The following OPRM1 variants were observed in gnomAD, a reference collection of about 807,000 sequenced individuals.
The protein encoded by OPRM1 is mu-type opioid receptor.
A neutral mutation model predicts 31.8 loss-of-function variants in OPRM1; 27 were observed. The ratio of observed to expected loss-of-function variants is 0.85; its 90% CI spans 0.63 to 1.17. The LOEUF is 1.17. Among genes scored for constraint, OPRM1 ranks in the 50% most tolerant of loss-of-function variants. OPRM1 has a pLI of 0.00. For synonymous variants in OPRM1, 196 were observed against 189.9 expected (o/e 1.03, Z -0.26); for missense variants, 536 against 511.1 (o/e 1.05, Z -0.47).
At chr6:154,148,314 C>T (rs539748376) in intron 3 of OPRM1, among the ~76,000 whole-genome samples, 3 of 152,248 alleles carry the variant, frequency 2.0e-5, no homozygotes, top group Non-Finnish European at 4.4e-5. Context: ...GGGGTCCAAG[C>T]TAATCAAGTT....
In OPRM1 at chr6:154,127,598, G is replaced by C. The variant is rs1797666268; in HGVS notation, c.*8877G>C. The stretch of plus-strand genomic sequence containing the variant: ...ACCTGTGCTCATGACTTGACATTGT[G>C]GTGGGCCGGCTACAACCCTCCCCAC... On this transcript the variant is annotated 3_prime_UTR_variant, in exon 4 of 4. Coordinates refer to ENST00000330432, the MANE Select transcript of OPRM1 (RefSeq NM_000914.5). Among the ~76,000 whole-genome samples the C allele has an allele frequency of 6.6e-6, 1 of 152,156 alleles. No homozygotes were observed. Among genetic ancestry groups the C allele is most frequent in the Non-Finnish European group, 1.5e-5 (1 of 68,016 alleles).
At chr6:154,099,563 G>A (rs1794133625) in intron 3 of OPRM1, among the ~76,000 whole-genome samples, 1 of 149,110 alleles carries the variant, frequency 6.7e-6, no homozygotes, top group Non-Finnish European at 1.5e-5. Flanking sequence ...AGGGAGGGAG[G>A]AAGGAAACCA....
rs545519987 is a variant in OPRM1, at chr6:154,119,700, C to G, written c.*979C>G. On this transcript the variant is annotated 3_prime_UTR_variant, in exon 4 of 4. Coordinates refer to ENST00000330432, the MANE Select transcript of OPRM1 (RefSeq NM_000914.5). ...CAGATGTTTTTGTTGATTGCCAGAACAGTTTAAACTTTTTTTAAACAATAA... is the reference window on the plus strand; with the variant it reads ...CAGATGTTTTTGTTGATTGCCAGAAGAGTTTAAACTTTTTTTAAACAATAA... Among the ~76,000 whole-genome samples the G allele has an allele frequency of 6.6e-6, 1 of 152,164 alleles. No individual in the cohort carries two copies. The highest frequency in any genetic ancestry group is 2.4e-5 in the African/African-American group (1 of 41,448).
chr6:154,101,166 G>A (rs1794776247), intron 3 of OPRM1, among the ~76,000 whole-genome samples: 1 of 151,994 alleles, frequency 6.6e-6, no homozygotes, highest in African/African-American at 2.4e-5. Context: ...GTGGATGTGG[G>A]ATGAGATATG....
chr6:154,199,994 G>C (rs764009943), intron 3 of OPRM1: 5 of 1,613,978 alleles, frequency 3.1e-6, no homozygotes, highest in Non-Finnish European at 4.2e-6. Context: ...GAAAGAATAC[G>C]ACGTTCCACT....
chr6:154,200,161 A>T, intron 3 of OPRM1: 2 of 837,808 alleles, frequency 2.4e-6, no homozygotes, highest in Non-Finnish European at 3.6e-6. Flanking sequence ...CCAATAATAA[A>T]AGAGTCAAAA....
At chr6:154,146,317 T>G (rs778350744) in intron 3 of OPRM1, among the ~76,000 whole-genome samples, 1 of 152,170 alleles carries the variant, frequency 6.6e-6, no homozygotes, top group Non-Finnish European at 1.5e-5. Flanking sequence ...CAAGAATCAC[T>G]TGAACCTGGG....
intron 3 of OPRM1, among the ~76,000 whole-genome samples, chr6:154,104,744 A>G (rs1162705455): frequency 6.6e-6 from 1 of 152,226 alleles, no homozygotes; most frequent in East Asian, 1.9e-4. Flanking sequence ...GTGCAGCAAG[A>G]ATAATTATTT....
intron 3 of OPRM1, among the ~76,000 whole-genome samples, chr6:154,206,594 G>C (rs923424188): frequency 4.5e-5 from 5 of 111,632 alleles, no homozygotes; most frequent in Non-Finnish European, 7.2e-5. Context: ...AGCAGATTGT[G>C]ATAACAACAT....
intron 3 of OPRM1, among the ~76,000 whole-genome samples, chr6:154,233,279 G>A (rs553628838): frequency 2.6e-5 from 4 of 152,250 alleles, no homozygotes; most frequent in East Asian, 3.9e-4. Flanking sequence ...TGAGCCATCC[G>A]ACTAGCTGTT....
chr6:154,209,019 G>A lies in OPRM1; in HGVS notation c.1165-37674G>A, dbSNP rs576865097. On this transcript the variant is annotated intron_variant, in intron 3 of 3. Coordinates refer to the OPRM1 transcript ENST00000337049. Reference sequence around the variant, plus strand: ...CATAAAAACCTCTTCTTCACTGAAGGAAGATTTCCTGACATGTTCTTTATT... The same window carrying A: ...CATAAAAACCTCTTCTTCACTGAAGAAAGATTTCCTGACATGTTCTTTATT... 4.6e-5 allele frequency among the ~76,000 whole-genome samples: 7 copies of A among 152,222 alleles called. No individual in the cohort carries two copies. In the South Asian group the frequency reaches 1.5e-3, roughly 32 times the overall value.
intron 3 of OPRM1, among the ~76,000 whole-genome samples, chr6:154,163,447 C>T (rs1034442765): frequency 1.3e-5 from 2 of 152,160 alleles, no homozygotes; most frequent in Admixed American, 6.5e-5. Context: ...ATATCAATTC[C>T]TCAACATGTT....
At chr6:154,159,182 A>G (rs1798831998) in intron 3 of OPRM1, 1 of 152,620 alleles carries the variant, frequency 6.6e-6, no homozygotes, top group Non-Finnish European at 1.5e-5. Flanking sequence ...TAACCTGCAT[A>G]AAGTGTGAAA....
intron 3 of OPRM1, among the ~76,000 whole-genome samples, chr6:154,095,377 G>A (rs867990628): frequency 9.9e-5 from 15 of 152,166 alleles, no homozygotes; most frequent in Middle Eastern, 6.8e-3. Flanking sequence ...ATGATGAGAG[G>A]GCTGAGGATA....
intron 1 of OPRM1, among the ~76,000 whole-genome samples, chr6:154,054,269 TG>T: frequency 7.0e-6 from 1 of 143,226 alleles, no homozygotes; most frequent in Non-Finnish European, 1.5e-5. Context: ...CTCGGGAGGC[TG>T]GGGAAGGAGA....
intron 1 of OPRM1, among the ~76,000 whole-genome samples, chr6:154,029,817 G>T (rs1469511827): frequency 6.6e-6 from 1 of 152,072 alleles, no homozygotes; most frequent in Non-Finnish European, 1.5e-5. Context: ...TTTATAGGAG[G>T]GTTTTTCCCC....
In OPRM1 at chr6:154,091,235, A is replaced by G; in HGVS notation, c.927A>G (p.Thr309=). 2 of 1,614,172 alleles carry G rather than the reference A, an allele frequency of 1.2e-6. No homozygotes were observed. The highest frequency in any genetic ancestry group is 1.1e-5 in the South Asian group (1 of 91,084). Residue 309 remains threonine (T), a synonymous_variant, in exon 3 of 4, where the codon ACA becomes ACG. Coordinates refer to ENST00000330432, the MANE Select transcript of OPRM1 (RefSeq NM_000914.5). ...ACGTCATCATTAAAGCCTTGGTTAC[A>G]ATCCCAGAAACTACGTTCCAGACTG... The part of the protein sequence containing the change: ...HIYVIIKALV[T]IPETTFQTVS...
In OPRM1 at chr6:154,091,007, G is replaced by A. The variant is rs78249690; in HGVS notation, c.699G>A (p.Leu233=). The part of the protein sequence containing the change: ...FSHPTWYWEN[L]LKICVFIFAF... ...ATCCAACCTGGTACTGGGAAAACCT[G>A]CTGAAGATCTGTGTTTTCATCTTCG... The change falls in exon 3 of 4, where the codon CTG becomes CTA. Residue 233 remains leucine (L), a synonymous_variant. Coordinates refer to ENST00000330432, the MANE Select transcript of OPRM1 (RefSeq NM_000914.5). 469 of 1,614,102 alleles carry A rather than the reference G, an allele frequency of 2.9e-4. No individual in the cohort carries two copies. Among genetic ancestry groups the A allele is most frequent in the Non-Finnish European group, 3.8e-4 (452 of 1,179,948 alleles).
At chr6:154,141,842 C>T (rs1798220513) in intron 3 of OPRM1, among the ~76,000 whole-genome samples, 1 of 146,940 alleles carries the variant, frequency 6.8e-6, no homozygotes, top group Non-Finnish European at 1.5e-5. Flanking sequence ...GGCAGGTTTG[C>T]CCTAAGCAGT....
Sources: gnomAD v4.1 joint callset for allele counts (sites outside exome capture counted in the v4.1 genomes callset) on GRCh38, gnomAD v4.1.1 for gene constraint, MANE v1.5 for transcripts, NCBI Gene and HGNC (gene_info 2026-07-23, HGNC 2026-07-21) for gene names.